Variants in STAP1 observed in about 807,000 individuals in gnomAD.
STAP1 encodes signal transducing adaptor family member 1.
Under a neutral mutation model 37.8 loss-of-function variants are expected in STAP1, and 30 were observed. The observed-to-expected ratio is 0.79, with a 90% CI of 0.59 to 1.08. STAP1 has a LOEUF of 1.08. Among genes scored for constraint, STAP1 ranks in the 50% least tolerant of loss-of-function variants. The pLI, the probability that STAP1 is intolerant of heterozygous loss-of-function variation, is 0.00. For missense variants in STAP1, 357 were observed against 349.4 expected (o/e 1.02, Z -0.17); for synonymous variants, 130 against 116.0 (o/e 1.12, Z -0.78).
chr4:67,606,305 C>T lies in STAP1; in HGVS notation c.836C>T (p.Pro279Leu). ...TACCCACAATTTCTAGGTCAAGAAC[C>T]CAGTATGGAAGGGAGAAGTGAAAAG... ...CSTDENTGQE[P>L]SMEGRSEKLK... The change falls in exon 9 of 9, where the codon CCC becomes CTC. Residue 279 changes from proline to leucine, a missense_variant. Transcript: ENST00000265404. 6.2e-7 allele frequency: 1 copy of T among 1,611,150 alleles called. No homozygotes were observed. Among genetic ancestry groups the T allele is most frequent in the Admixed American group, 1.7e-5 (1 of 59,508 alleles).
intron 1 of STAP1, among the ~76,000 whole-genome samples, chr4:67,568,161 T>C (rs181391622): frequency 6.6e-6 from 1 of 152,312 alleles, no homozygotes; most frequent in East Asian, 1.9e-4. Context: ...AAAATAAGCA[T>C]ATAAATTCTG....
intron 4 of STAP1, among the ~76,000 whole-genome samples, chr4:67,580,709 A>C (rs1455150399): frequency 6.6e-6 from 1 of 152,236 alleles, no homozygotes; most frequent in Non-Finnish European, 1.5e-5. Flanking sequence ...TAGGTGAGTC[A>C]ATCTGAAATA....
rs1447385705 is a variant in STAP1 at position 67,560,409 on chromosome 4, TC to T, written c.120+1482del. 2.0e-5 allele frequency among the ~76,000 whole-genome samples: 3 copies of T among 152,292 alleles called. No individual in the cohort carries two copies. In the East Asian group the frequency reaches 5.8e-4, roughly 29 times the overall value. ...ATTCACTCAACATTTATTGTGTGCCTCCTATGCACCAAGCATCACTCATTTC... is the reference window on the plus strand; with the variant it reads ...ATTCACTCAACATTTATTGTGTGCCTCTATGCACCAAGCATCACTCATTTC... On this transcript the variant is annotated intron_variant, in intron 1 of 8. Transcript: ENST00000265404.
chr4:67,578,396 T>C lies in STAP1; in HGVS notation c.363+1137T>C, dbSNP rs529191750. On this transcript the variant is annotated intron_variant, in intron 4 of 8. Transcript: ENST00000265404. ...GAAATAAGCACTGCACTTTACCAAG[T>C]TGATGGATGCAGGTTCTTTATTTCA... 1.9e-4 allele frequency among the ~76,000 whole-genome samples: 29 copies of C among 152,316 alleles called. No homozygotes were observed. The South Asian group carries it at 6.0e-3, about 32-fold the overall frequency.
At chr4:67,604,568 G>T (rs1407096287) in intron 8 of STAP1, among the ~76,000 whole-genome samples, 1 of 152,130 alleles carries the variant, frequency 6.6e-6, no homozygotes, top group Non-Finnish European at 1.5e-5. Flanking sequence ...CTGCTTTAAG[G>T]TCTTCATCTG....
In STAP1 at chr4:67,559,187, G is replaced by C. The variant is rs185357867; in HGVS notation, c.120+258G>C. ...GGCACTAATATAAAAAAGTCAATAA[G>C]CTAAATTTCCAAAGAATTTATTTAA... On this transcript the variant is annotated intron_variant, in intron 1 of 8. Coordinates refer to ENST00000265404, the MANE Select transcript of STAP1 (RefSeq NM_012108.4). 3.3e-3 allele frequency among the ~76,000 whole-genome samples: 502 copies of C among 152,194 alleles called. 2 individuals carry two copies. Among genetic ancestry groups the C allele is most frequent in the Non-Finnish European group, 3.5e-3 (238 of 67,988 alleles).
chr4:67,564,980 A>T (rs1369203965), intron 1 of STAP1, among the ~76,000 whole-genome samples: 4 of 152,154 alleles, frequency 2.6e-5, no homozygotes, highest in Non-Finnish European at 5.9e-5. Context: ...ATTTCTCTAC[A>T]TTCCCATCTC....
intron 8 of STAP1, among the ~76,000 whole-genome samples, chr4:67,595,752 GT>G (rs1329024374): frequency 1.3e-5 from 2 of 152,108 alleles, no homozygotes; most frequent in Non-Finnish European, 2.9e-5. Flanking sequence ...GACTAGTCTA[GT>G]TTCTTTGCCT....
In STAP1 at chr4:67,565,928, C is replaced by T. The variant is rs929924971; in HGVS notation, c.121-5156C>T. Among the ~76,000 whole-genome samples, 15 of 146,008 alleles carry T rather than the reference C, an allele frequency of 1.0e-4. No homozygotes were observed. The South Asian group carries it at 2.4e-3, about 23-fold the overall frequency. Reference sequence around the variant, plus strand: ...ACCCACTTCTCTTCCCCCCTCAACCCAACTGCTTTTTTTTTTTTTTTTTTT... The same window carrying T: ...ACCCACTTCTCTTCCCCCCTCAACCTAACTGCTTTTTTTTTTTTTTTTTTT... On this transcript the variant is annotated intron_variant, in intron 1 of 8. Coordinates refer to ENST00000265404, the MANE Select transcript of STAP1 (RefSeq NM_012108.4).
chr4:67,562,702 GCGGAGCTT>G (rs2109852298), intron 1 of STAP1, among the ~76,000 whole-genome samples: 1 of 151,980 alleles, frequency 6.6e-6, no homozygotes, highest in East Asian at 1.9e-4. Flanking sequence ...AACCCAGGAG[GCGGAGCTT>G]GCAGGGAGCG....
rs552732083 is a variant in STAP1 at position 67,568,778 on chromosome 4, G to A, written c.121-2306G>A. Among the ~76,000 whole-genome samples the A allele has an allele frequency of 3.9e-5, 6 of 152,264 alleles. No homozygotes were observed. In the South Asian group the frequency reaches 1.2e-3, roughly 32 times the overall value. ...AGCTATGAGCCATGTACTCTGCTAA[G>A]TGCTTTACATGTATTAATTCATTAA... On this transcript the variant is annotated intron_variant, in intron 1 of 8. Transcript: ENST00000265404.
chr4:67,604,349 G>A lies in STAP1; in HGVS notation c.827-1947G>A, dbSNP rs575330954. ...AACCAAGTACTGTAATTGCTCACCG[G>A]ATTTTTGGTTCTTATTAAGGTGCTT... On this transcript the variant is annotated intron_variant, in intron 8 of 8. Transcript: ENST00000265404. 2.0e-5 allele frequency among the ~76,000 whole-genome samples: 3 copies of A among 152,266 alleles called. No homozygotes were observed. The South Asian group carries it at 6.2e-4, about 32-fold the overall frequency.
rs568356060 is a variant in STAP1 at position 67,575,481 on chromosome 4, G to C, written c.289G>C (p.Glu97Gln). The C allele has an allele frequency of 1.2e-6, 2 of 1,610,470 alleles. No homozygotes were observed. The highest frequency in any genetic ancestry group is 2.2e-5 in the South Asian group (2 of 90,094). The change falls in exon 3 of 9, where the codon GAG becomes CAG. Residue 97 changes from glutamate (E) to glutamine (Q), a missense_variant. By Grantham distance (29) the Glu-to-Gln change is conservative. Transcript: ENST00000265404. Reference sequence around the variant, plus strand: ...GAAATTCACCCTTGTTTTGCCGAAAGAGGAAGTACAACTGAAGGTGAGCGA... The same window carrying C: ...GAAATTCACCCTTGTTTTGCCGAAACAGGAAGTACAACTGAAGGTGAGCGA... ...CAKFTLVLPK[E>Q]EVQLKTENTE...
chr4:67,601,368 A>G (rs1728338188), intron 8 of STAP1, among the ~76,000 whole-genome samples: 1 of 152,146 alleles, frequency 6.6e-6, no homozygotes, highest in African/African-American at 2.4e-5. Flanking sequence ...TAATCTTTCT[A>G]TTTAAGATAT....
chr4:67,562,365 GCTGT>G (rs573339874), intron 1 of STAP1, among the ~76,000 whole-genome samples: 67 of 151,836 alleles, frequency 4.4e-4, no homozygotes, highest in East Asian at 2.1e-3. Context: ...ATTTTTTAGG[GCTGT>G]CTAAGTTGTG....
intron 8 of STAP1, among the ~76,000 whole-genome samples, chr4:67,596,675 G>A (rs1034164835): frequency 6.6e-6 from 1 of 152,200 alleles, no homozygotes; most frequent in Non-Finnish European, 1.5e-5. Flanking sequence ...CTATGCTTTA[G>A]CAAAGAGACT....
intron 8 of STAP1, among the ~76,000 whole-genome samples, chr4:67,602,081 C>T (rs1728355835): frequency 6.6e-6 from 1 of 151,728 alleles, no homozygotes; most frequent in Non-Finnish European, 1.5e-5. Context: ...AATAGCCTGT[C>T]TTCAAGCTCA....
At chr4:67,564,107 T>C (rs1173034090) in intron 1 of STAP1, among the ~76,000 whole-genome samples, 1 of 152,214 alleles carries the variant, frequency 6.6e-6, no homozygotes, top group East Asian at 1.9e-4. Context: ...TTACATCTTA[T>C]CGAAATGAAA....
chr4:67,589,647 A>G (rs1728078839), intron 6 of STAP1, among the ~76,000 whole-genome samples: 1 of 152,238 alleles, frequency 6.6e-6, no homozygotes, highest in Non-Finnish European at 1.5e-5. Flanking sequence ...TCATTTGTCA[A>G]CACTAGAAAA....
Sources: allele counts gnomAD v4.1 joint callset (sites outside exome capture counted in the v4.1 genomes callset), GRCh38; gene constraint gnomAD v4.1.1; transcripts MANE v1.5; gene names NCBI Gene and HGNC (gene_info 2026-07-23, HGNC 2026-07-21).